The following PREX1 variants were observed in gnomAD, a reference collection of about 807,000 sequenced individuals.
The protein encoded by PREX1 is phosphatidylinositol-3,4,5-trisphosphate dependent Rac exchange factor 1.
Under a neutral mutation model 198.3 loss-of-function variants are expected in PREX1, and 41 were observed. That is an observed-to-expected ratio of 0.21 (90% CI 0.16 to 0.27). The LOEUF (loss-of-function observed/expected upper bound fraction) is 0.27. Among genes scored for constraint, PREX1 ranks in the 10% least tolerant of loss-of-function variants. PREX1 has a pLI of 1.00. For synonymous variants in PREX1, 843 were observed against 887.2 expected (o/e 0.95, Z 0.89); for missense variants, 1,620 against 2,200.7 (o/e 0.74, Z 5.28).
intron 16 of PREX1, among the ~76,000 whole-genome samples, chr20:48,659,658 T>A (rs1198543197): frequency 6.6e-6 from 1 of 151,000 alleles, no homozygotes; most frequent in Non-Finnish European, 1.5e-5. Context: ...AACCTCTCTA[T>A]ACAGTGTACG....
chr20:48,752,842 T>C (rs1232324403), intron 1 of PREX1, among the ~76,000 whole-genome samples: 1 of 152,212 alleles, frequency 6.6e-6, no homozygotes, highest in African/African-American at 2.4e-5. Flanking sequence ...GTTGTTCATT[T>C]CATTGCTTAC....
chr20:48,697,129 T>A (rs961679112), intron 7 of PREX1, among the ~76,000 whole-genome samples: 3 of 152,218 alleles, frequency 2.0e-5, no homozygotes, highest in Non-Finnish European at 4.4e-5. Context: ...ACAATTTAAG[T>A]GTGGGCTATG....
Position 48,747,866 on chromosome 20 carries a change from G to A in PREX1, c.234C>T (p.Arg78=). Residue 78 remains arginine, a synonymous_variant, in exon 2 of 40, where the codon CGC becomes CGT. Coordinates refer to ENST00000371941, the MANE Select transcript of PREX1 (RefSeq NM_020820.4). ...LRFLQSAFLH[R]IRQNVADSVE... ...CTGAGTCGGCCACGTTCTGCCGGAT[G>A]CGATGCAGGAATGCCTGGAGGAGAG... 1.9e-6 allele frequency: 3 copies of A among 1,613,296 alleles called. No homozygotes were observed. Among genetic ancestry groups the A allele is most frequent in the East Asian group, 4.5e-5 (2 of 44,878 alleles).
chr20:48,786,393 G>A (rs1201948310), intron 1 of PREX1, among the ~76,000 whole-genome samples: 1 of 152,176 alleles, frequency 6.6e-6, no homozygotes. Flanking sequence ...GAGACTCAGG[G>A]AGAGGAGGGA....
chr20:48,655,381 C>A lies in PREX1; in HGVS notation c.2124-6G>T. 1 of 1,550,542 alleles carries A rather than the reference C, an allele frequency of 6.4e-7. No homozygotes were observed. The highest frequency in any genetic ancestry group is 1.2e-5 in the South Asian group (1 of 83,188). ...GGTCGGGGATTTTGATGATCCTGCA[C>A]CAGGTAGAAGAGGCAGGGAAAAAGG... On this transcript the variant is annotated splice_polypyrimidine_tract_variant and splice_region_variant and intron_variant, in intron 18 of 39. Transcript: ENST00000371941.
chr20:48,851,759 G>A, the PREX1 span, among the ~76,000 whole-genome samples: 32 of 151,952 alleles, frequency 2.1e-4, no homozygotes, highest in Middle Eastern at 3.4e-3. Flanking sequence ...CCCAGCATGG[G>A]GACATTGCCT....
chr20:48,740,642 A>G (rs1221826791), intron 3 of PREX1, among the ~76,000 whole-genome samples: 1 of 152,252 alleles, frequency 6.6e-6, no homozygotes, highest in African/African-American at 2.4e-5. Context: ...TGTGGCCTTT[A>G]AAACTCCTGA....
intron 1 of PREX1, among the ~76,000 whole-genome samples, chr20:48,780,686 G>A (rs1254103377): frequency 6.6e-6 from 1 of 152,168 alleles, no homozygotes; most frequent in Admixed American, 6.5e-5. Flanking sequence ...ATAAAAGTAG[G>A]AGGAGTGAAG....
At chr20:48,804,561 T>C (rs2090402570) in intron 1 of PREX1, among the ~76,000 whole-genome samples, 2 of 152,114 alleles carry the variant, frequency 1.3e-5, no homozygotes, top group Non-Finnish European at 1.5e-5. Flanking sequence ...TACAGGGCGT[T>C]GGGATTTCCT....
At position 48,666,107 on chromosome 20, in the gene PREX1, G is replaced by A. The variant is rs984217649; in HGVS notation, c.1738+176C>T. On this transcript the variant is annotated intron_variant, in intron 15 of 39. Coordinates refer to ENST00000371941, the MANE Select transcript of PREX1 (RefSeq NM_020820.4). The surrounding 1 kb of genome is among the most constrained non-coding windows in gnomAD (Gnocchi z 4.3). Reference sequence around the variant, plus strand: ...TTTTGGTCCCCAGTGGACACCAGAAGCCATTTCTCGATCGGTTCAGAACGG... The same window carrying A: ...TTTTGGTCCCCAGTGGACACCAGAAACCATTTCTCGATCGGTTCAGAACGG... 6.6e-6 allele frequency among the ~76,000 whole-genome samples: 1 copy of A among 152,202 alleles called. No homozygotes were observed. Among genetic ancestry groups the A allele is most frequent in the Non-Finnish European group, 1.5e-5 (1 of 68,030 alleles).
chr20:48,820,268 A>G (rs1449510890), intron 1 of PREX1, among the ~76,000 whole-genome samples: 1 of 152,194 alleles, frequency 6.6e-6, no homozygotes, highest in Non-Finnish European at 1.5e-5. Flanking sequence ...TTCCTCCGGG[A>G]GGAGGGGTGA....
At chr20:48,682,025 C>T (rs2089754684) in intron 10 of PREX1, among the ~76,000 whole-genome samples, 1 of 151,900 alleles carries the variant, frequency 6.6e-6, no homozygotes, top group African/African-American at 2.4e-5. Context: ...TTACTACTCA[C>T]AAAAAAAATC....
chr20:48,654,461 C>T (rs541310510), intron 19 of PREX1, among the ~76,000 whole-genome samples: 5 of 152,134 alleles, frequency 3.3e-5, no homozygotes, highest in Non-Finnish European at 5.9e-5. Context: ...TGCACTGCAG[C>T]ACGTTTAGCA....
intron 1 of PREX1, among the ~76,000 whole-genome samples, chr20:48,814,264 T>C (rs758499989): frequency 6.6e-6 from 1 of 152,260 alleles, no homozygotes; most frequent in Non-Finnish European, 1.5e-5. Context: ...GACTTGGCCA[T>C]GAACACAGCA....
intron 3 of PREX1, among the ~76,000 whole-genome samples, chr20:48,735,237 C>T (rs1211540084): frequency 2.6e-5 from 4 of 152,110 alleles, no homozygotes; most frequent in Admixed American, 2.6e-4. Flanking sequence ...ACAGAACCCG[C>T]CAAACCCTAA....
chr20:48,764,732 A>G (rs935682657), intron 1 of PREX1, among the ~76,000 whole-genome samples: 5 of 151,324 alleles, frequency 3.3e-5, no homozygotes, highest in Admixed American at 6.6e-5. Flanking sequence ...CAGTGAGCCA[A>G]GATAGCGCCA....
chr20:48,847,371 A>AAAAAAAAAAAAAAAAAAAAC, the PREX1 span, among the ~76,000 whole-genome samples: 3 of 149,498 alleles, frequency 2.0e-5, no homozygotes, highest in African/African-American at 7.5e-5. Flanking sequence ...TTATAAAAAA[A>AAAAAAAAAAAAAAAAAAAAC]AAAAAAAAAA....
chr20:48,822,676 G>A (rs6066864), intron 1 of PREX1, among the ~76,000 whole-genome samples: 1 of 152,296 alleles, frequency 6.6e-6, no homozygotes, highest in South Asian at 2.1e-4. Context: ...ATTATAAACA[G>A]GATTTTACTT....
intron 18 of PREX1, 110 bp from the exon 19 acceptor site, chr20:48,655,485 T>C: frequency 2.1e-6 from 2 of 969,388 alleles, no homozygotes; most frequent in East Asian, 3.1e-5. Flanking sequence ...ACTGGGAAAA[T>C]TCAGCCCAAA....
Sources: gnomAD v4.1 joint callset for allele counts (sites outside exome capture counted in the v4.1 genomes callset) on GRCh38, gnomAD v4.1.1 for gene constraint, Gnocchi (gnomAD v3.1) non-coding constraint, MANE v1.5 for transcripts, NCBI Gene and HGNC (gene_info 2026-07-23, HGNC 2026-07-21) for gene names.